Variants in ITPR1 observed in about 807,000 individuals in gnomAD.
ITPR1 encodes inositol 1,4,5-trisphosphate-gated calcium channel ITPR1.
Under a neutral mutation model 318.4 loss-of-function variants are expected in ITPR1, and 96 were observed. The observed-to-expected ratio is 0.30, with a 90% CI of 0.26 to 0.36. The LOEUF is 0.36. Among genes scored for constraint, ITPR1 ranks in the 10% least tolerant of loss-of-function variants. The probability of loss-of-function intolerance (pLI) is 1.00; values close to 1 mark genes in which losing one functional copy is unlikely to be tolerated. For synonymous variants in ITPR1, 1,312 were observed against 1,289.9 expected (o/e 1.02, Z -0.37); for missense variants, 2,440 against 3,460.2 (o/e 0.71, Z 7.40).
At chr3:4,793,588 G>A (rs73807154) in intron 52 of ITPR1, among the ~76,000 whole-genome samples, 1 of 152,144 alleles carries the variant, frequency 6.6e-6, no homozygotes, top group East Asian at 1.9e-4. Flanking sequence ...GCTTAAATTT[G>A]CTTCAGCAAT....
At chr3:4,695,027 C>G (rs949226040) in intron 33 of ITPR1, among the ~76,000 whole-genome samples, 1 of 152,196 alleles carries the variant, frequency 6.6e-6, no homozygotes, top group Non-Finnish European at 1.5e-5. Flanking sequence ...TACCTTAACA[C>G]TGTAACTTCT....
intron 4 of ITPR1, among the ~76,000 whole-genome samples, chr3:4,618,920 C>T (rs1043976791): frequency 3.3e-5 from 5 of 152,244 alleles, no homozygotes; most frequent in African/African-American, 1.2e-4. Context: ...TAAACAACCA[C>T]ACAACTATTT....
At chr3:4,749,200 T>C (rs891602140) in intron 44 of ITPR1, 6 of 152,254 alleles carry the variant, frequency 3.9e-5, no homozygotes, top group Non-Finnish European at 8.8e-5. Flanking sequence ...ACTTTTGTTC[T>C]GGTCATTTTA....
chr3:4,614,196 A>G (rs898003339), intron 4 of ITPR1, among the ~76,000 whole-genome samples: 3 of 152,154 alleles, frequency 2.0e-5, no homozygotes, highest in Non-Finnish European at 2.9e-5. Flanking sequence ...AGCCTGGGAG[A>G]TGGAGGCTGA....
intron 31 of ITPR1, among the ~76,000 whole-genome samples, chr3:4,689,144 C>T (rs1009958356): frequency 4.6e-5 from 7 of 152,148 alleles, no homozygotes; most frequent in Admixed American, 2.6e-4. Flanking sequence ...ATTATGGATG[C>T]CTTTGCAAAT....
chr3:4,729,260 G>A (rs1454789752), intron 42 of ITPR1, among the ~76,000 whole-genome samples: 1 of 152,116 alleles, frequency 6.6e-6, no homozygotes, highest in Non-Finnish European at 1.5e-5. Context: ...GTAAAATGGG[G>A]GTGACAATGG....
chr3:4,681,882 C>T (rs538696495), intron 26 of ITPR1, among the ~76,000 whole-genome samples: 3 of 152,038 alleles, frequency 2.0e-5, no homozygotes, highest in African/African-American at 7.2e-5. Flanking sequence ...TCTGGTCTTT[C>T]ATTGTTCCTA....
intron 4 of ITPR1, among the ~76,000 whole-genome samples, chr3:4,589,776 T>A (rs77080803): frequency 2.7e-5 from 4 of 147,794 alleles, no homozygotes; most frequent in Non-Finnish European, 4.5e-5. Flanking sequence ...AAAAAAAAAA[T>A]GCAAAACGAA....
chr3:4,533,796 G>A (rs570784953), intron 4 of ITPR1, among the ~76,000 whole-genome samples: 16 of 152,268 alleles, frequency 1.1e-4, no homozygotes, highest in East Asian at 1.9e-4. Flanking sequence ...TTCTCTCCTC[G>A]CACGAGCCTT....
At chr3:4,550,264 C>A (rs574728338) in intron 4 of ITPR1, among the ~76,000 whole-genome samples, 7 of 152,230 alleles carry the variant, frequency 4.6e-5, no homozygotes, top group Non-Finnish European at 5.9e-5. Context: ...GACTCAAGGG[C>A]CACAGCAAGC....
chr3:4,670,829 G>A lies in ITPR1; in HGVS notation c.2107G>A (p.Asp703Asn), dbSNP rs185464679. Residue 703 changes from aspartate to asparagine, a missense_variant, in exon 20 of 62, where the codon GAC (aspartate) becomes AAC (asparagine). Coordinates refer to ENST00000649015, the MANE Select transcript of ITPR1 (RefSeq NM_001378452.1). Reference protein sequence around the residue: ...DEEEVWLFWRDSNKEIRSKSV... With the variant: ...DEEEVWLFWRNSNKEIRSKSV... ...GGAAGAGGTGTGGCTGTTTTGGAGG[G>A]ACAGCAACAAAGAGATTCGCAGCAA... is the stretch of plus-strand genomic sequence containing the variant. The A allele has an allele frequency of 3.6e-5, 58 of 1,610,944 alleles. No homozygotes were observed. The Admixed American group carries it at 5.2e-4, about 14-fold the overall frequency.
At chr3:4,669,843 A>C in intron 19 of ITPR1, 70 bp downstream of exon 19, 1 of 1,378,974 alleles carries the variant, frequency 7.3e-7, no homozygotes, top group Non-Finnish European at 9.5e-7. Context: ...TGAGGAATAA[A>C]ACCTAGCCCT....
At chr3:4,651,237 C>T (rs1256390483) in intron 10 of ITPR1, among the ~76,000 whole-genome samples, 1 of 152,228 alleles carries the variant, frequency 6.6e-6, no homozygotes, top group African/African-American at 2.4e-5. Context: ...TATGCATATG[C>T]AGTCTGATGT....
chr3:4,522,641 C>G (rs1291255656), intron 4 of ITPR1, among the ~76,000 whole-genome samples: 1 of 152,216 alleles, frequency 6.6e-6, no homozygotes, highest in Non-Finnish European at 1.5e-5. Flanking sequence ...ATGTTTCCTT[C>G]CAAGACAAGA....
intron 12 of ITPR1, among the ~76,000 whole-genome samples, chr3:4,656,060 T>C (rs1476959475): frequency 6.6e-6 from 1 of 152,316 alleles, no homozygotes; most frequent in African/African-American, 2.4e-5. Flanking sequence ...TCCTTCTAAA[T>C]TCAGCACCCT....
intron 24 of ITPR1, among the ~76,000 whole-genome samples, 194 bp downstream of exon 24, chr3:4,676,995 G>T (rs189079690): frequency 6.6e-6 from 1 of 152,172 alleles, no homozygotes; most frequent in East Asian, 1.9e-4. Context: ...TCCCAACATG[G>T]CCATGTCCCT....
At chr3:4,498,869 G>A (rs1321767478) in intron 2 of ITPR1, among the ~76,000 whole-genome samples, 2 of 152,186 alleles carry the variant, frequency 1.3e-5, no homozygotes, top group Non-Finnish European at 2.9e-5. Flanking sequence ...TTTACAAGGA[G>A]GACTAATATT....
At chr3:4,844,533 A>T (rs1284305348) in intron 61 of ITPR1, among the ~76,000 whole-genome samples, 1 of 152,234 alleles carries the variant, frequency 6.6e-6, no homozygotes, top group Non-Finnish European at 1.5e-5. Context: ...GGGTTGTGGG[A>T]GAAAAATCTG....
At chr3:4,818,848 C>T (rs2049484577) in intron 60 of ITPR1, among the ~76,000 whole-genome samples, 2 of 152,294 alleles carry the variant, frequency 1.3e-5, no homozygotes, top group Non-Finnish European at 2.9e-5. Flanking sequence ...ACTTCTCGGG[C>T]AGAGTTTGCT....
Sources: allele counts gnomAD v4.1 joint callset (sites outside exome capture counted in the v4.1 genomes callset), GRCh38; gene constraint gnomAD v4.1.1; transcripts MANE v1.5; gene names NCBI Gene and HGNC (gene_info 2026-07-23, HGNC 2026-07-21).